PTK6: variants seen among roughly 807,000 people sequenced by gnomAD.
PTK6 encodes the protein protein tyrosine kinase 6.
Under a neutral mutation model 47.5 loss-of-function variants are expected in PTK6, and 47 were observed. The ratio of observed to expected loss-of-function variants is 0.99; its 90% CI spans 0.78 to 1.26. The LOEUF (loss-of-function observed/expected upper bound fraction) is 1.26, where lower values mean the gene tolerates loss of function less well. Among genes scored for constraint, PTK6 ranks in the 50% most tolerant of loss-of-function variants. PTK6 has a pLI of 0.00. For missense variants in PTK6, 618 were observed against 625.3 expected (o/e 0.99, Z 0.12); for synonymous variants, 287 against 276.5 (o/e 1.04, Z -0.38).
intron 1 of PTK6, among the ~76,000 whole-genome samples, chr20:63,536,623 G>A (rs1019381014): frequency 2.6e-5 from 4 of 152,020 alleles, no homozygotes; most frequent in African/African-American, 7.2e-5. Context: ...TTGCCCGGCA[G>A]CCGGCCCGCT....
chr20:63,529,716 G>A lies in PTK6; in HGVS notation c.1176C>T (p.Ser392=). The change falls in exon 8 of 8, where the codon TCC becomes TCT. Residue 392 remains serine (S), a synonymous_variant. Coordinates refer to ENST00000542869, the MANE Select transcript of PTK6 (RefSeq NM_005975.4). This position sits in a 1 kb window ranked among gnomAD's most constrained non-coding sequence, Gnocchi z 5.6. ...CCACCCTCAGGAAGGCCTCATGGTT[G>A]GACATGCCTGCGGCCGACAGGGATG... ...SRGQVPYPGM[S]NHEAFLRVDA... is the part of the protein sequence containing the mutation. 1 of 1,541,248 alleles carries A rather than the reference G, an allele frequency of 6.5e-7. No individual in the cohort carries two copies. The highest frequency in any genetic ancestry group is 8.7e-7 in the Non-Finnish European group (1 of 1,144,454).
rs138250759 is a variant in PTK6 at position 63,533,321 on chromosome 20, T to C, written c.670+230A>G. Among the ~76,000 whole-genome samples, 19,666 of 152,036 alleles carry C rather than the reference T, an allele frequency of 0.13. 4,046 individuals are homozygous for C. The highest frequency in any genetic ancestry group is 0.44 in the African/African-American group (18,250 of 41,352). On this transcript the variant is annotated intron_variant, in intron 4 of 7. Coordinates refer to ENST00000542869, the MANE Select transcript of PTK6 (RefSeq NM_005975.4). This position sits in a 1 kb window ranked among gnomAD's most constrained non-coding sequence, Gnocchi z 4.0. ...GACCTCGTGATCCGCCCACCTTGGC[T>C]TCCCAAAGTGTGGGGATTACAGATG... is the stretch of plus-strand genomic sequence containing the variant.
Position 63,533,656 on chromosome 20 carries a change from C to T in PTK6, c.565G>A (p.Glu189Lys). 2.5e-6 allele frequency: 4 copies of T among 1,613,958 alleles called. No homozygotes were observed. The highest frequency in any genetic ancestry group is 3.4e-6 in the Non-Finnish European group (4 of 1,179,986). The change falls in exon 4 of 8, where the codon GAG becomes AAG. Residue 189 changes from glutamate to lysine, a missense_variant. By Grantham distance (56) the Glu-to-Lys change is moderately conservative. Transcript: ENST00000542869. The surrounding 1 kb of genome is among the most constrained non-coding windows in gnomAD (Gnocchi z 4.0). ...AGCTTCCTGCAGAGCGTGAACTCCTCCCTCGGCCTCTCCCAGTCATCCCAA... is the reference window on the plus strand; with the variant it reads ...AGCTTCCTGCAGAGCGTGAACTCCTTCCTCGGCCTCTCCCAGTCATCCCAA... ...PHWDDWERPR[E>K]EFTLCRKLGS... is the part of the protein sequence containing the mutation.
At chr20:63,536,608 G>A (rs76414690) in intron 1 of PTK6, among the ~76,000 whole-genome samples, 1,588 of 152,164 alleles carry the variant, frequency 0.01, 24 homozygotes, top group African/African-American at 0.036. Context: ...CAGCAGGCAG[G>A]AAGTTTGCCC....
Position 63,529,542 on chromosome 20 carries a change from C to T in PTK6, c.1350G>A (p.Pro450=), listed in dbSNP as rs774020501. The T allele has an allele frequency of 2.0e-5, 32 of 1,568,020 alleles. No individual in the cohort carries two copies. Among genetic ancestry groups the T allele is most frequent in the Non-Finnish European group, 2.3e-5 (27 of 1,156,640 alleles). The change falls in exon 8 of 8, where the codon CCG becomes CCA. Residue 450 remains proline, a synonymous_variant. Transcript: ENST00000542869. The surrounding 1 kb of genome is among the most constrained non-coding windows in gnomAD (Gnocchi z 5.6). Reference sequence around the variant, plus strand: ...ATGCCCGCTCCACAGCAGCTCAGGTCGGGTTCTCGTAGCTGGTGAAGCTGG... The same window carrying T: ...ATGCCCGCTCCACAGCAGCTCAGGTTGGGTTCTCGTAGCTGGTGAAGCTGG... The part of the protein sequence containing the change: ...RLSSFTSYEN[P]T
rs1024156666 is a variant in PTK6, at chr20:63,532,693, G to C, written c.671-6C>G. On this transcript the variant is annotated splice_polypyrimidine_tract_variant and splice_region_variant and intron_variant, in intron 4 of 7. Transcript: ENST00000542869. ...CTGCTGGTGCAGGAGGTTGTCTGCG[G>C]GGACGGGTGGCCTCGGTGGATGCAG... 11 of 1,612,820 alleles carry C rather than the reference G, an allele frequency of 6.8e-6. No homozygotes were observed. Among genetic ancestry groups the C allele is most frequent in the Non-Finnish European group, 8.5e-6 (10 of 1,179,588 alleles).
In PTK6 at chr20:63,534,218, C is replaced by G. The variant is rs150072173; in HGVS notation, c.450G>C (p.Glu150Asp). Reference sequence around the variant, plus strand: ...TCTGGGCCCTGTGGTAGTTCACAAGCTCGGGCAGGCTGAGGAAGGACACCG... The same window carrying G: ...TCTGGGCCCTGTGGTAGTTCACAAGGTCGGGCAGGCTGAGGAAGGACACCG... ...NEAVSFLSLPELVNYHRAQSL... is the reference protein window; with the variant it reads ...NEAVSFLSLPDLVNYHRAQSL... Residue 150 changes from glutamate (E) to aspartate (D), a missense_variant, in exon 3 of 8, where the codon GAG becomes GAC. Physicochemically the swap from Glu to Asp is conservative, Grantham distance 45. Coordinates refer to ENST00000542869, the MANE Select transcript of PTK6 (RefSeq NM_005975.4). 3.1e-6 allele frequency: 5 copies of G among 1,594,546 alleles called. No homozygotes were observed. Among genetic ancestry groups the G allele is most frequent in the South Asian group, 1.1e-5 (1 of 88,020 alleles).
chr20:63,530,710 G>GGCCACGACCCCA lies in PTK6; in HGVS notation c.1014+24_1014+35dup. 1 of 1,606,614 alleles carries GGCCACGACCCCA rather than the reference G, an allele frequency of 6.2e-7. No individual in the cohort carries two copies. Among genetic ancestry groups the GGCCACGACCCCA allele is most frequent in the Non-Finnish European group, 8.5e-7 (1 of 1,176,658 alleles). Reference sequence around the variant, plus strand: ...GCCCCCAGCCCTCCGGCCACGCCCCGGCCACGACCCCAGCCACGCCCTCTG... The same window carrying GGCCACGACCCCA: ...GCCCCCAGCCCTCCGGCCACGCCCCGGCCACGACCCCAGCCACGACCCCAGCCACGCCCTCTG... On this transcript the variant is annotated intron_variant, in intron 6 of 7. Coordinates refer to ENST00000542869, the MANE Select transcript of PTK6 (RefSeq NM_005975.4). The surrounding 1 kb of genome is among the most constrained non-coding windows in gnomAD (Gnocchi z 4.1).
rs2082603404 is a variant in PTK6, at chr20:63,529,739, A to T, written c.1169-16T>A. ...TTGGACATGCCTGCGGCCGACAGGG[A>T]TGAGAAGAGCTGGGGCCCACCTGCC... On this transcript the variant is annotated splice_polypyrimidine_tract_variant and intron_variant, in intron 7 of 7. Transcript: ENST00000542869. The surrounding 1 kb of genome is among the most constrained non-coding windows in gnomAD (Gnocchi z 5.6). 6.5e-7 allele frequency: 1 copy of T among 1,531,674 alleles called. No individual in the cohort carries two copies. Among genetic ancestry groups the T allele is most frequent in the Non-Finnish European group, 8.8e-7 (1 of 1,141,442 alleles). The allele number at this position is 1,531,674 out of a possible 1,614,324, so 94.9% of individuals were successfully genotyped here. A position where few individuals can be genotyped will look rare whatever the true frequency, so the allele number is the denominator to read the frequency against.
Position 63,532,628 on chromosome 20 carries a change from G to T in PTK6, c.730C>A (p.His244Asn), listed in dbSNP as rs1296430449. The change falls in exon 5 of 8, where the codon CAC (histidine) becomes AAC (asparagine). Residue 244 changes from histidine to asparagine, a missense_variant. Physicochemically the swap from His to Asn is moderately conservative, Grantham distance 68 (BLOSUM62 1). Coordinates refer to ENST00000542869, the MANE Select transcript of PTK6 (RefSeq NM_005975.4). ...GCGTACAGCGCCAGGATGTGTTTGT[G>T]CCGCAGCTTCTTCATGGCCTGGATC... ...SEIQAMKKLRHKHILALYAVV... is the reference protein window; with the variant it reads ...SEIQAMKKLRNKHILALYAVV... The T allele has an allele frequency of 6.2e-7, 1 of 1,614,134 alleles. No homozygotes were observed. The highest frequency in any genetic ancestry group is 1.7e-5 in the Admixed American group (1 of 60,030).
chr20:63,534,828 G>A, intron 2 of PTK6, 110 bp downstream of exon 2: 1 of 1,409,638 alleles, frequency 7.1e-7, no homozygotes, highest in East Asian at 2.5e-5. Flanking sequence ...CTGGAGAGGA[G>A]CCCATGTCCC....
Position 63,533,317 on chromosome 20 carries a change from T to C in PTK6, c.670+234A>G, listed in dbSNP as rs150396843. ...TCCTGACCTCGTGATCCGCCCACCT[T>C]GGCTTCCCAAAGTGTGGGGATTACA... On this transcript the variant is annotated intron_variant, in intron 4 of 7. Transcript: ENST00000542869. This position sits in a 1 kb window ranked among gnomAD's most constrained non-coding sequence, Gnocchi z 4.0. Among the ~76,000 whole-genome samples, 19,667 of 152,056 alleles carry C rather than the reference T, an allele frequency of 0.13. 4,048 individuals are homozygous for C. The highest frequency in any genetic ancestry group is 0.44 in the African/African-American group (18,252 of 41,364).
At chr20:63,535,811 G>GC (rs1255416531) in intron 1 of PTK6, among the ~76,000 whole-genome samples, 4 of 20,850 alleles carry the variant, frequency 1.9e-4, no homozygotes, top group Non-Finnish European at 3.0e-4. Context: ...CTGGCCTCCC[G>GC]CCCCCTCCTC....
At position 63,528,358 on chromosome 20, in the gene PTK6, AT is replaced by A. The variant is rs1347765442; in HGVS notation, c.*1177del. On this transcript the variant is annotated 3_prime_UTR_variant, in exon 8 of 8. Transcript: ENST00000542869. Reference sequence around the variant, plus strand: ...GGCAGAAGACAAATCCTTTTGAGAAATCCTAGTACCTTTCCAGAAACTCCCA... The same window carrying A: ...GGCAGAAGACAAATCCTTTTGAGAAACCTAGTACCTTTCCAGAAACTCCCA... 1.3e-5 allele frequency: 2 copies of A among 151,472 alleles called. No homozygotes were observed. The highest frequency in any genetic ancestry group is 2.9e-5 in the Non-Finnish European group (2 of 67,874). 9.4% of individuals were successfully genotyped at this position (151,472 alleles called of 1,614,324 possible). A position where few individuals can be genotyped will look rare whatever the true frequency, so the allele number is the denominator to read the frequency against.
intron 1 of PTK6, 63 bp from the exon 2 acceptor site, chr20:63,535,122 C>T: frequency 6.7e-7 from 1 of 1,503,120 alleles, no homozygotes. Flanking sequence ...CCCACGCTGG[C>T]CCCAGCCTGC....
At position 63,529,839 on chromosome 20, in the gene PTK6, G is replaced by A; in HGVS notation, c.1169-116C>T. ...CCTTCCCCGCAGCCTCAGCTGCCAT[G>A]CCTTGGCGCCACCCAGCACACTGTC... On this transcript the variant is annotated intron_variant, in intron 7 of 7. Transcript: ENST00000542869. The surrounding 1 kb of genome is among the most constrained non-coding windows in gnomAD (Gnocchi z 5.6). The A allele has an allele frequency of 8.1e-7, 1 of 1,228,688 alleles. No individual in the cohort carries two copies. The highest frequency in any genetic ancestry group is 1.1e-6 in the Non-Finnish European group (1 of 897,322). 76.1% of individuals were successfully genotyped at this position (1,228,688 alleles called of 1,614,324 possible).
chr20:63,535,192 T>C (rs2082655270), intron 1 of PTK6, 133 bp from the exon 2 acceptor site: 5 of 1,300,030 alleles, frequency 3.8e-6, no homozygotes, highest in Non-Finnish European at 5.1e-6. Context: ...TGACCACAGC[T>C]GCTCTCAGGA....
chr20:63,533,856 C>T lies in PTK6; in HGVS notation c.517-152G>A, dbSNP rs550178593. On this transcript the variant is annotated intron_variant, in intron 3 of 7. Transcript: ENST00000542869. The surrounding 1 kb of genome is among the most constrained non-coding windows in gnomAD (Gnocchi z 4.0). ...TGAGTGTCTGACACAAGGGTGGACT[C>T]TCCTGGGGGCTGCCCCCAGCCCAGC... 7 of 1,169,186 alleles carry T rather than the reference C, an allele frequency of 6.0e-6. No individual in the cohort carries two copies. In the East Asian group the frequency reaches 1.8e-4, roughly 30 times the overall value. The allele number at this position is 1,169,186 out of a possible 1,614,324, so 72.4% of individuals were successfully genotyped here.
chr20:63,536,376 C>T (rs532942304), intron 1 of PTK6, among the ~76,000 whole-genome samples: 1 of 148,782 alleles, frequency 6.7e-6, no homozygotes, highest in South Asian at 2.1e-4. Context: ...CCACCATGGG[C>T]CCCTGCCCGA....
Sources: gnomAD v4.1 joint callset for allele counts (sites outside exome capture counted in the v4.1 genomes callset) on GRCh38, gnomAD v4.1.1 for gene constraint, Gnocchi (gnomAD v3.1) non-coding constraint, MANE v1.5 for transcripts, NCBI Gene and HGNC (gene_info 2026-07-23, HGNC 2026-07-21) for gene names.